CFAP61: variants seen among roughly 807,000 people sequenced by gnomAD.
CFAP61 encodes cilia and flagella associated protein 61, also known as cilia- and flagella-associated protein 61.
Under a neutral mutation model 135.6 loss-of-function variants are expected in CFAP61, and 107 were observed. The observed-to-expected ratio is 0.79, with a 90% confidence interval of 0.67 to 0.93. The LOEUF (loss-of-function observed/expected upper bound fraction) is 0.93, where lower values mean the gene tolerates loss of function less well. Ranked by LOEUF, CFAP61 falls within the 40% of genes least tolerant of loss-of-function variation. CFAP61 has a pLI of 0.00. For synonymous variants in CFAP61, 575 were observed against 578.5 expected, an observed-to-expected ratio of 0.99 and a Z score of 0.09; for missense variants, 1,507 against 1,556.2, an observed-to-expected ratio of 0.97 and a Z score of 0.53.
At chr20:20,090,133 C>A (rs1382622418) in intron 6 of CFAP61, among the ~76,000 whole-genome samples, 1 of 152,104 alleles carries the variant, frequency 6.6e-6, no homozygotes, top group Admixed American at 6.5e-5. Flanking sequence ...GTCTCTTGTC[C>A]TTTGGCCCAT....
rs901163638 is a variant in CFAP61, at chr20:20,195,965, C to A, written c.1591-605C>A. ...GCGTGATGGTGGGCGCCTGAAATCC[C>A]AGCTACTTGGGAGGCTGAGGTGGGA... On this transcript the variant is annotated intron_variant, in intron 15 of 26. Coordinates refer to ENST00000245957, the MANE Select transcript of CFAP61 (RefSeq NM_015585.4). Among the ~76,000 whole-genome samples, 14 of 152,174 alleles carry A rather than the reference C, an allele frequency of 9.2e-5. 1 individual carries two copies. The highest frequency in any genetic ancestry group is 3.4e-4 in the African/African-American group (14 of 41,514).
chr20:20,137,433 C>A (rs1379360929), intron 8 of CFAP61, among the ~76,000 whole-genome samples: 1 of 152,194 alleles, frequency 6.6e-6, no homozygotes, highest in African/African-American at 2.4e-5. Flanking sequence ...CTCTGTTCTA[C>A]TGCAGCTGGC....
intron 8 of CFAP61, among the ~76,000 whole-genome samples, chr20:20,112,313 A>G (rs1326434788): frequency 6.6e-6 from 1 of 152,202 alleles, no homozygotes; most frequent in African/African-American, 2.4e-5. Context: ...TAGGAACTTC[A>G]TATACTTCCT....
intron 25 of CFAP61, among the ~76,000 whole-genome samples, chr20:20,326,985 T>C (rs2057773209): frequency 1.3e-5 from 2 of 152,258 alleles, no homozygotes; most frequent in South Asian, 4.1e-4. Flanking sequence ...TGCACATTTA[T>C]ATTTAAGTTT....
chr20:20,354,535 G>T (rs1461102619), intron 26 of CFAP61, among the ~76,000 whole-genome samples: 1 of 151,634 alleles, frequency 6.6e-6, no homozygotes, highest in Non-Finnish European at 1.5e-5. Context: ...GTACAGAAAG[G>T]TAAATACTGC....
chr20:20,337,291 T>C (rs2122342200), intron 25 of CFAP61, among the ~76,000 whole-genome samples: 2 of 10,224 alleles, frequency 2.0e-4, no homozygotes, highest in Non-Finnish European at 9.6e-4. Flanking sequence ...GATGGATGGA[T>C]AGATGGATGG....
rs375851639 is a variant in CFAP61, at chr20:20,360,457, G to A, written c.*47G>A. The stretch of plus-strand genomic sequence containing the variant: ...TATGGTTTTCATTTATTTAGTTCCT[G>A]GAAACGCGCTCTGTAGAAATAGAAA... On this transcript the variant is annotated 3_prime_UTR_variant, in exon 27 of 27. Coordinates refer to ENST00000245957, the MANE Select transcript of CFAP61 (RefSeq NM_015585.4). 2.6e-6 allele frequency: 4 copies of A among 1,542,946 alleles called. No individual in the cohort carries two copies. In the African/African-American group the frequency reaches 5.5e-5, roughly 21 times the overall value.
chr20:20,347,403 A>G (rs1042030982), intron 26 of CFAP61, among the ~76,000 whole-genome samples: 1 of 152,214 alleles, frequency 6.6e-6, no homozygotes, highest in African/African-American at 2.4e-5. Context: ...GAAATAGAGA[A>G]TAAGAAAATA....
At chr20:20,077,356 C>A (rs929034073) in intron 6 of CFAP61, among the ~76,000 whole-genome samples, 10 of 152,080 alleles carry the variant, frequency 6.6e-5, no homozygotes, top group Admixed American at 6.5e-4. Flanking sequence ...TTGTGATATA[C>A]AAAATGGGTG....
intron 7 of CFAP61, among the ~76,000 whole-genome samples, chr20:20,096,151 A>C (rs946223218): frequency 6.6e-6 from 1 of 152,144 alleles, no homozygotes; most frequent in African/African-American, 2.4e-5. Context: ...AAGTCCATTA[A>C]ATCCATTTTT....
intron 21 of CFAP61, among the ~76,000 whole-genome samples, chr20:20,269,231 A>ATATATACATGTATG (rs1569220007): frequency 2.1e-5 from 3 of 143,388 alleles, no homozygotes; most frequent in Non-Finnish European, 4.6e-5. Flanking sequence ...ACATATATGT[A>ATATATACATGTATG]TATATATACA....
intron 23 of CFAP61, 87 bp downstream of exon 23, chr20:20,289,023 G>T (rs1480143926): frequency 4.5e-6 from 5 of 1,101,946 alleles, no homozygotes; most frequent in Non-Finnish European, 6.4e-6. Context: ...TTTCTCTTAG[G>T]CTTGGGGAAA....
intron 9 of CFAP61, among the ~76,000 whole-genome samples, chr20:20,149,997 T>C (rs2052257697): frequency 6.6e-6 from 1 of 152,140 alleles, no homozygotes; most frequent in Non-Finnish European, 1.5e-5. Flanking sequence ...GTCTGAGTCC[T>C]ACACACAGGC....
intron 7 of CFAP61, among the ~76,000 whole-genome samples, chr20:20,093,156 A>G (rs931685373): frequency 2.0e-5 from 3 of 152,230 alleles, no homozygotes; most frequent in Non-Finnish European, 2.9e-5. Context: ...GCACTGATAC[A>G]TGCTACAGCG....
intron 26 of CFAP61, among the ~76,000 whole-genome samples, chr20:20,356,024 G>A (rs1475166831): frequency 6.9e-6 from 1 of 144,526 alleles, no homozygotes; most frequent in Non-Finnish European, 1.5e-5. Flanking sequence ...CTGTGAGAGG[G>A]GAGGTGACCA....
chr20:20,138,177 A>G (rs1038620304), intron 8 of CFAP61, among the ~76,000 whole-genome samples: 1 of 152,174 alleles, frequency 6.6e-6, no homozygotes, highest in African/African-American at 2.4e-5. Flanking sequence ...AGTGGAAGGA[A>G]GGAGTCGGAG....
At position 20,196,572 on chromosome 20, in the gene CFAP61, C is replaced by T; in HGVS notation, c.1593C>T (p.Asp531=). Reference sequence around the variant, plus strand: ...CATCCCTTCTGTCTCTTCTGTAGGACATTGAGTACATACGGTCCCATTACA... The same window carrying T: ...CATCCCTTCTGTCTCTTCTGTAGGATATTGAGTACATACGGTCCCATTACA... ...VGIAVIRNEM[D]IEYIRSHYNI... Residue 531 remains aspartate, a splice_region_variant and synonymous_variant, in exon 16 of 27, where the codon GAC becomes GAT. Coordinates refer to ENST00000245957, the MANE Select transcript of CFAP61 (RefSeq NM_015585.4). 1 of 1,610,102 alleles carries T rather than the reference C, an allele frequency of 6.2e-7. No homozygotes were observed. The highest frequency in any genetic ancestry group is 8.5e-7 in the Non-Finnish European group (1 of 1,176,306).
intron 20 of CFAP61, among the ~76,000 whole-genome samples, chr20:20,256,256 T>A (rs1324714413): frequency 6.6e-6 from 1 of 152,238 alleles, no homozygotes; most frequent in Non-Finnish European, 1.5e-5. Flanking sequence ...AGTAGGTATT[T>A]AAGCTACTAA....
At chr20:20,085,109 C>T in intron 6 of CFAP61, 8 of 985,440 alleles carry the variant, frequency 8.1e-6, no homozygotes, top group Non-Finnish European at 9.6e-6. Context: ...CTGTGCTGAT[C>T]TATAAACTCC....
Sources: gnomAD v4.1 joint callset for allele counts (sites outside exome capture counted in the v4.1 genomes callset) on GRCh38, gnomAD v4.1.1 for gene constraint, MANE v1.5 for transcripts, NCBI Gene and HGNC (gene_info 2026-07-23, HGNC 2026-07-21) for gene names.